Variants in IL23R observed in about 807,000 individuals in gnomAD.
The protein encoded by IL23R is interleukin 23 receptor, also known as interleukin-23 receptor.
In IL23R, 34 loss-of-function variants were observed where a neutral mutation model predicts 56.9. That is an observed-to-expected ratio of 0.60 (90% CI 0.45 to 0.80). IL23R has a LOEUF of 0.80. Among genes scored for constraint, IL23R ranks in the 30% least tolerant of loss-of-function variants. The pLI is 0.00. For synonymous variants in IL23R, 230 were observed against 249.2 expected, an observed-to-expected ratio of 0.92 and a Z score of 0.73; for missense variants, 635 against 730.0, an observed-to-expected ratio of 0.87 and a Z score of 1.50.
intron 3 of IL23R, among the ~76,000 whole-genome samples, chr1:67,174,684 A>T (rs569612968): frequency 6.6e-6 from 1 of 152,138 alleles, no homozygotes; most frequent in South Asian, 2.1e-4. Context: ...AAAAAATCTT[A>T]ATCTTATTCA....
At chr1:67,197,938 AAAAAG>A (rs148930191) in intron 4 of IL23R, among the ~76,000 whole-genome samples, 15,148 of 73,224 alleles carry the variant, frequency 0.21, 1,746 homozygotes, top group African/African-American at 0.43. Context: ...CCTGTCATTA[AAAAAG>A]AAAAGAAAAG....
intron 7 of IL23R, among the ~76,000 whole-genome samples, chr1:67,220,886 G>T (rs751862562): frequency 6.6e-6 from 1 of 152,136 alleles, no homozygotes; most frequent in Non-Finnish European, 1.5e-5. Context: ...CTACAGATGC[G>T]GTCCACCATG....
chr1:67,168,102 T>A lies in IL23R; in HGVS notation c.-19T>A. 3 of 1,568,950 alleles carry A rather than the reference T, an allele frequency of 1.9e-6. No individual in the cohort carries two copies. The highest frequency in any genetic ancestry group is 2.6e-6 in the Non-Finnish European group (3 of 1,139,136). On this transcript the variant is annotated 5_prime_UTR_variant, in exon 2 of 11. Coordinates refer to ENST00000347310, the MANE Select transcript of IL23R (RefSeq NM_144701.3). Reference sequence around the variant, plus strand: ...ATATTTTTTTTCCAGAGGGAAACAGTCTTTTCCTGCTTCCAGACATGAATC... The same window carrying A: ...ATATTTTTTTTCCAGAGGGAAACAGACTTTTCCTGCTTCCAGACATGAATC...
intron 1 of IL23R, 128 bp from the exon 2 acceptor site, chr1:67,167,964 C>G: frequency 1.6e-6 from 1 of 620,366 alleles, no homozygotes; most frequent in Non-Finnish European, 2.9e-6. Flanking sequence ...TTCTTCCTTC[C>G]TTCTTTCCTT....
chr1:67,207,452 C>T (rs1290918508), intron 6 of IL23R, among the ~76,000 whole-genome samples: 1 of 152,158 alleles, frequency 6.6e-6, no homozygotes, highest in African/African-American at 2.4e-5. Flanking sequence ...CCCACCAAAT[C>T]GCAACTTGAA....
intron 7 of IL23R, among the ~76,000 whole-genome samples, chr1:67,228,082 TTTTCTTTCTTTC>T (rs138042502): frequency 3.5e-5 from 3 of 85,478 alleles, no homozygotes; most frequent in East Asian, 2.8e-4. Flanking sequence ...TCTTTCTTTC[TTTTCTTTCTTTC>T]TTTCTTTCTT....
At chr1:67,194,062 A>ATCT (rs1647938819) in intron 4 of IL23R, among the ~76,000 whole-genome samples, 1 of 152,238 alleles carries the variant, frequency 6.6e-6, no homozygotes, top group Non-Finnish European at 1.5e-5. Context: ...AATATAACAA[A>ATCT]GGCTACAGAT....
In IL23R at chr1:67,177,376, G is replaced by A. The variant is rs576872707; in HGVS notation, c.368-5460G>A. 4.3e-4 allele frequency among the ~76,000 whole-genome samples: 66 copies of A among 152,254 alleles called. No individual in the cohort carries two copies. The South Asian group carries it at 4.8e-3, about 11-fold the overall frequency. The stretch of plus-strand genomic sequence containing the variant: ...CATTTCTCTGATGGCCAGTGATGAT[G>A]AGCATTTTTTCATGTGTCTGTTGGC... On this transcript the variant is annotated intron_variant, in intron 3 of 10. Coordinates refer to ENST00000347310, the MANE Select transcript of IL23R (RefSeq NM_144701.3).
intron 6 of IL23R, among the ~76,000 whole-genome samples, chr1:67,209,329 G>A (rs11811676): frequency 0.011 from 1,611 of 152,178 alleles, 25 homozygotes; most frequent in African/African-American, 0.037. Context: ...AATTTGGAGG[G>A]GCCAGGGATG....
intron 1 of IL23R, among the ~76,000 whole-genome samples, chr1:67,156,045 G>T (rs1215089272): frequency 1.3e-5 from 2 of 152,144 alleles, no homozygotes; most frequent in Non-Finnish European, 2.9e-5. Flanking sequence ...TAACAGTCAG[G>T]TCCCTCTTCT....
At chr1:67,140,819 G>A (rs1646630134) in intron 1 of IL23R, among the ~76,000 whole-genome samples, 1 of 152,036 alleles carries the variant, frequency 6.6e-6, no homozygotes, top group Non-Finnish European at 1.5e-5. Context: ...GATTTATTAT[G>A]TGTCAACAAT....
At chr1:67,225,082 T>G (rs1470275942) in intron 7 of IL23R, among the ~76,000 whole-genome samples, 1 of 152,220 alleles carries the variant, frequency 6.6e-6, no homozygotes, top group Non-Finnish European at 1.5e-5. Context: ...GCTAGTCTCC[T>G]TCCTAAGAGA....
chr1:67,200,922 T>C, intron 5 of IL23R, 25 bp downstream of exon 5: 1 of 1,610,990 alleles, frequency 6.2e-7, no homozygotes, highest in Non-Finnish European at 8.5e-7. Context: ...ATTCTGTAAG[T>C]CTTTAATAAT....
intron 7 of IL23R, among the ~76,000 whole-genome samples, chr1:67,223,821 A>T (rs1374579612): frequency 6.6e-6 from 1 of 152,174 alleles, no homozygotes; most frequent in African/African-American, 2.4e-5. Context: ...CCTAAATAAC[A>T]TCTAGGTCAT....
chr1:67,205,692 C>A (rs1648954051), intron 5 of IL23R, among the ~76,000 whole-genome samples: 1 of 152,180 alleles, frequency 6.6e-6, no homozygotes, highest in Non-Finnish European at 1.5e-5. Flanking sequence ...AACATGCCAA[C>A]AATTTACAAA....
intron 1 of IL23R, among the ~76,000 whole-genome samples, chr1:67,156,260 G>A (rs987063496): frequency 6.6e-6 from 1 of 152,208 alleles, no homozygotes; most frequent in Non-Finnish European, 1.5e-5. Context: ...CAAGTCAGGA[G>A]GCACAGGGGT....
At chr1:67,186,404 G>A (rs1016740797) in intron 4 of IL23R, among the ~76,000 whole-genome samples, 9 of 151,690 alleles carry the variant, frequency 5.9e-5, no homozygotes, top group African/African-American at 2.2e-4. Context: ...ATCATTCCTT[G>A]AGTTTTAGCA....
At chr1:67,199,403 T>A (rs562312250) in intron 4 of IL23R, among the ~76,000 whole-genome samples, 1 of 152,288 alleles carries the variant, frequency 6.6e-6, no homozygotes, top group African/African-American at 2.4e-5. Context: ...TATGTCCTGA[T>A]AGAAATGTCT....
intron 9 of IL23R, among the ~76,000 whole-genome samples, chr1:67,242,567 C>T (rs967522199): frequency 2.6e-5 from 4 of 152,066 alleles, no homozygotes; most frequent in South Asian, 2.1e-4. Flanking sequence ...TTAAGGGTTC[C>T]GATGGGTGTG....
Sources: allele counts gnomAD v4.1 joint callset (sites outside exome capture counted in the v4.1 genomes callset), GRCh38; gene constraint gnomAD v4.1.1; transcripts MANE v1.5; gene names NCBI Gene and HGNC (gene_info 2026-07-23, HGNC 2026-07-21).